The following NRXN1 variants were observed in gnomAD, a reference collection of about 807,000 sequenced individuals.
The protein encoded by NRXN1 is neurexin-1.
In NRXN1, 39 loss-of-function variants were observed where a neutral mutation model predicts 150.9. The observed-to-expected ratio is 0.26, with a 90% CI of 0.20 to 0.34. The LOEUF (loss-of-function observed/expected upper bound fraction) is 0.34. Ranked by LOEUF, NRXN1 falls within the 10% of genes least tolerant of loss-of-function variation. The probability of loss-of-function intolerance (pLI) is 1.00; values close to 1 mark genes in which losing one functional copy is unlikely to be tolerated. For synonymous variants in NRXN1, 924 were observed against 757.0 expected, an observed-to-expected ratio of 1.22 and a Z score of -3.62; for missense variants, 1,815 against 1,949.9, an observed-to-expected ratio of 0.93 and a Z score of 1.30.
chr2:50,923,750 T>G (rs1686440237), intron 3 of NRXN1, among the ~76,000 whole-genome samples: 1 of 151,902 alleles, frequency 6.6e-6, no homozygotes, highest in Non-Finnish European at 1.5e-5. Context: ...TCCAGTGCTA[T>G]TTCAGATATA....
chr2:50,125,455 A>G (rs1194170629), intron 18 of NRXN1, among the ~76,000 whole-genome samples: 4 of 152,096 alleles, frequency 2.6e-5, no homozygotes, highest in Non-Finnish European at 5.9e-5. Context: ...ACAGGGCCCA[A>G]CAGGATATGA....
chr2:49,951,638 A>G (rs1387650957), intron 21 of NRXN1, among the ~76,000 whole-genome samples: 1 of 152,034 alleles, frequency 6.6e-6, no homozygotes, highest in East Asian at 1.9e-4. Context: ...GCCATTTCCA[A>G]ATTAAATAAA....
intron 2 of NRXN1, among the ~76,000 whole-genome samples, chr2:50,973,450 TTTCTGCAAC>T (rs1266720406): frequency 6.6e-6 from 1 of 152,168 alleles, no homozygotes; most frequent in Admixed American, 6.6e-5. Context: ...TAATCCTCTA[TTTCTGCAAC>T]AGGAAAGGAA....
chr2:50,627,402 C>T (rs1423928125), intron 5 of NRXN1, among the ~76,000 whole-genome samples: 6 of 134,178 alleles, frequency 4.5e-5, no homozygotes, highest in African/African-American at 1.4e-4. Context: ...TGTGCGCATA[C>T]TAATAATTAT....
chr2:49,961,905 T>A (rs866820055), intron 21 of NRXN1, among the ~76,000 whole-genome samples: 1 of 152,232 alleles, frequency 6.6e-6, no homozygotes, highest in African/African-American at 2.4e-5. Flanking sequence ...TCAATGGTAA[T>A]TAAAATATAA....
chr2:49,995,171 T>C (rs976868150), intron 21 of NRXN1, among the ~76,000 whole-genome samples: 3 of 152,184 alleles, frequency 2.0e-5, no homozygotes, highest in African/African-American at 7.2e-5. Context: ...AGTCAAGACA[T>C]GAAATTCAAT....
chr2:50,335,464 G>A (rs2077118741), intron 17 of NRXN1, among the ~76,000 whole-genome samples: 1 of 152,018 alleles, frequency 6.6e-6, no homozygotes, highest in Non-Finnish European at 1.5e-5. Context: ...AGAGTTGATT[G>A]GGCAAAAAAG....
intron 15 of NRXN1, among the ~76,000 whole-genome samples, chr2:50,472,879 T>C (rs13008062): frequency 6.6e-6 from 1 of 151,188 alleles, no homozygotes; most frequent in Admixed American, 6.6e-5. Context: ...GTTTCTAAAA[T>C]GGGAACAATA....
At chr2:50,096,759 A>G (rs1002611839) in intron 18 of NRXN1, among the ~76,000 whole-genome samples, 6 of 152,252 alleles carry the variant, frequency 3.9e-5, no homozygotes, top group African/African-American at 1.4e-4. Context: ...ATTTCTGAAT[A>G]AAGATTATAT....
chr2:50,606,263 A>AG (rs1677105472), intron 8 of NRXN1, among the ~76,000 whole-genome samples: 1 of 151,144 alleles, frequency 6.6e-6, no homozygotes, highest in African/African-American at 2.4e-5. Flanking sequence ...AAAAAAAAAA[A>AG]AAAAAAAAGA....
chr2:50,109,609 A>G (rs752599237), intron 18 of NRXN1, among the ~76,000 whole-genome samples: 4 of 152,012 alleles, frequency 2.6e-5, no homozygotes, highest in Non-Finnish European at 4.4e-5. Flanking sequence ...AAAAAGAAAC[A>G]AATGAAAAGA....
intron 21 of NRXN1, among the ~76,000 whole-genome samples, chr2:50,014,118 GT>G (rs1243649088): frequency 6.7e-6 from 1 of 148,500 alleles, no homozygotes; most frequent in Non-Finnish European, 1.5e-5. Context: ...TTTTGTTTTT[GT>G]TTTTAGAAAT....
At chr2:50,454,564 T>C (rs1043538405) in intron 17 of NRXN1, among the ~76,000 whole-genome samples, 3 of 151,626 alleles carry the variant, frequency 2.0e-5, no homozygotes, top group African/African-American at 7.3e-5. Context: ...TATTGAAAAA[T>C]GCATTTTCAT....
At chr2:50,626,932 G>T (rs888384523) in intron 5 of NRXN1, among the ~76,000 whole-genome samples, 1 of 151,586 alleles carries the variant, frequency 6.6e-6, no homozygotes, top group Non-Finnish European at 1.5e-5. Context: ...ACACACAAAA[G>T]AAATGTAATT....
intron 5 of NRXN1, among the ~76,000 whole-genome samples, chr2:50,771,716 T>C (rs1183374758): frequency 1.3e-5 from 2 of 152,248 alleles, no homozygotes; most frequent in Middle Eastern, 3.4e-3. Flanking sequence ...TTTAAAAGGA[T>C]GCTACGAGTT....
At chr2:49,925,761 TTTTC>T (rs150237537) in intron 22 of NRXN1, among the ~76,000 whole-genome samples, 5,903 of 152,236 alleles carry the variant, frequency 0.039, 372 homozygotes, top group African/African-American at 0.13. Context: ...ACTTTCATCC[TTTTC>T]TTTCTTTGTC....
At chr2:50,701,473 T>C (rs992517244) in intron 5 of NRXN1, among the ~76,000 whole-genome samples, 1 of 152,172 alleles carries the variant, frequency 6.6e-6, no homozygotes, top group African/African-American at 2.4e-5. Context: ...TCAGGAAAAT[T>C]AAACCTTTTG....
chr2:50,073,720 T>C (rs1257877112), intron 19 of NRXN1, among the ~76,000 whole-genome samples: 1 of 152,148 alleles, frequency 6.6e-6, no homozygotes, highest in Non-Finnish European at 1.5e-5. Context: ...TCAACAATTC[T>C]AGTTTAGGTA....
chr2:50,822,422 A>T (rs1332861451), intron 5 of NRXN1, among the ~76,000 whole-genome samples: 2 of 152,152 alleles, frequency 1.3e-5, no homozygotes, highest in East Asian at 3.9e-4. Flanking sequence ...ACAACAAATA[A>T]GGAAAGTCTT....
Sources: allele counts gnomAD v4.1 joint callset (sites outside exome capture counted in the v4.1 genomes callset), GRCh38; gene constraint gnomAD v4.1.1; transcripts MANE v1.5; gene names NCBI Gene and HGNC (gene_info 2026-07-23, HGNC 2026-07-21).